KCNQ5: variants seen among roughly 807,000 people sequenced by gnomAD.
The protein encoded by KCNQ5 is potassium voltage-gated channel subfamily Q member 5, also known as potassium voltage-gated channel subfamily KQT member 5.
A neutral mutation model predicts 98.2 loss-of-function variants in KCNQ5; 30 were observed. The observed-to-expected ratio is 0.31, with a 90% CI of 0.23 to 0.41. KCNQ5 has a LOEUF of 0.41. KCNQ5 is among the 10% of genes least tolerant of loss of function. The pLI, the probability that KCNQ5 is intolerant of heterozygous loss-of-function variation, is 1.00. For missense variants in KCNQ5, 835 were observed against 1,182.5 expected, an observed-to-expected ratio of 0.71 and a Z score of 4.31; for synonymous variants, 458 against 449.4, an observed-to-expected ratio of 1.02 and a Z score of -0.24.
Position 73,088,422 on chromosome 6 carries a change from G to A in KCNQ5, c.918+10535G>A, listed in dbSNP as rs184280360. Among the ~76,000 whole-genome samples the A allele has an allele frequency of 7.3e-4, 111 of 152,146 alleles. 1 individual carries two copies. The highest frequency in any genetic ancestry group is 6.2e-3 in the Admixed American group (95 of 15,272). On this transcript the variant is annotated intron_variant, in intron 5 of 13. Coordinates refer to ENST00000370398, the MANE Select transcript of KCNQ5 (RefSeq NM_019842.4). ...GTTTCCATTTATATAACCCTTTCCC[G>A]ATTGTTCTACTTTTGAAAAACTTGA...
At chr6:72,746,259 C>G (rs1771402127) in intron 1 of KCNQ5, among the ~76,000 whole-genome samples, 1 of 151,968 alleles carries the variant, frequency 6.6e-6, no homozygotes, top group South Asian at 2.1e-4. Flanking sequence ...AAATTTATGC[C>G]AGTTACTAAT....
At chr6:72,987,092 A>G in intron 1 of KCNQ5, 1 of 669,924 alleles carries the variant, frequency 1.5e-6, no homozygotes, top group Non-Finnish European at 2.7e-6. Flanking sequence ...AAACGAAGCC[A>G]AAGTTGAGGC....
At chr6:73,063,635 A>T (rs908311126) in intron 3 of KCNQ5, among the ~76,000 whole-genome samples, 5 of 150,398 alleles carry the variant, frequency 3.3e-5, no homozygotes, top group Non-Finnish European at 7.4e-5. Context: ...TAATAATCCC[A>T]CTGAAATACA....
intron 1 of KCNQ5, among the ~76,000 whole-genome samples, chr6:72,680,236 C>T (rs1767637867): frequency 6.6e-6 from 1 of 152,160 alleles, no homozygotes. Flanking sequence ...CATTTTTTAT[C>T]TCTATGTATT....
At chr6:72,920,644 T>C (rs1780351470) in intron 1 of KCNQ5, among the ~76,000 whole-genome samples, 1 of 152,228 alleles carries the variant, frequency 6.6e-6, no homozygotes, top group African/African-American at 2.4e-5. Context: ...CAATCTCTTT[T>C]TCTATGTTCT....
At chr6:73,176,525 T>C (rs1778221918) in intron 11 of KCNQ5, among the ~76,000 whole-genome samples, 1 of 152,230 alleles carries the variant, frequency 6.6e-6, no homozygotes, top group Non-Finnish European at 1.5e-5. Context: ...ACTAACGCAG[T>C]GCTTCATTTG....
intron 1 of KCNQ5, among the ~76,000 whole-genome samples, chr6:72,836,615 T>A (rs889561237): frequency 6.6e-6 from 1 of 152,112 alleles, no homozygotes; most frequent in South Asian, 2.1e-4. Flanking sequence ...ATTTTTTTTT[T>A]TCTGTAGAGA....
At chr6:72,857,006 C>G (rs1440331696) in intron 1 of KCNQ5, among the ~76,000 whole-genome samples, 1 of 152,326 alleles carries the variant, frequency 6.6e-6, no homozygotes, top group Non-Finnish European at 1.5e-5. Flanking sequence ...GGAAGATACT[C>G]TGTCACAAAG....
intron 1 of KCNQ5, among the ~76,000 whole-genome samples, chr6:72,644,970 C>T (rs1765512646): frequency 6.6e-6 from 1 of 152,084 alleles, no homozygotes. Context: ...CTAAGTATGA[C>T]ACTTAGAACA....
At chr6:73,167,958 C>T (rs1157011535) in intron 10 of KCNQ5, among the ~76,000 whole-genome samples, 1 of 152,136 alleles carries the variant, frequency 6.6e-6, no homozygotes, top group East Asian at 1.9e-4. Context: ...TAAGTTTCAA[C>T]ATATGAATAC....
chr6:72,999,276 A>G (rs542175472), intron 1 of KCNQ5, among the ~76,000 whole-genome samples: 3 of 152,350 alleles, frequency 2.0e-5, no homozygotes, highest in African/African-American at 4.8e-5. Context: ...TTGAGTAAAC[A>G]TAGAGTCCTT....
chr6:72,790,279 G>A (rs944577931), intron 1 of KCNQ5, among the ~76,000 whole-genome samples: 1 of 152,078 alleles, frequency 6.6e-6, no homozygotes, highest in African/African-American at 2.4e-5. Context: ...GGCCACTAAA[G>A]CCCAGAGAAG....
At chr6:72,785,369 T>A (rs1773683610) in intron 1 of KCNQ5, among the ~76,000 whole-genome samples, 1 of 151,590 alleles carries the variant, frequency 6.6e-6, no homozygotes, top group African/African-American at 2.4e-5. Context: ...GGAGCAGGGG[T>A]CAGGCACAGT....
chr6:73,011,908 A>T (rs117672321), intron 2 of KCNQ5, among the ~76,000 whole-genome samples: 2,996 of 152,158 alleles, frequency 0.02, 46 homozygotes, highest in Non-Finnish European at 0.034. Flanking sequence ...GCAAATCAAA[A>T]CTACACTGAG....
At chr6:73,106,711 G>C (rs1775015705) in intron 6 of KCNQ5, among the ~76,000 whole-genome samples, 2 of 152,210 alleles carry the variant, frequency 1.3e-5, no homozygotes, top group African/African-American at 4.8e-5. Flanking sequence ...GTCACATTCT[G>C]AGGTCATGGG....
chr6:72,775,154 G>A (rs1434054782), intron 1 of KCNQ5, among the ~76,000 whole-genome samples: 1 of 152,122 alleles, frequency 6.6e-6, no homozygotes, highest in Non-Finnish European at 1.5e-5. Flanking sequence ...TATACATATG[G>A]AAAGACACTG....
chr6:72,883,067 C>G (rs952375712), intron 1 of KCNQ5, among the ~76,000 whole-genome samples: 7 of 152,178 alleles, frequency 4.6e-5, no homozygotes, highest in Non-Finnish European at 4.4e-5. Flanking sequence ...GCCCACTCTT[C>G]TGTGAGATTT....
intron 1 of KCNQ5, among the ~76,000 whole-genome samples, chr6:72,695,496 T>C (rs1290756031): frequency 6.6e-6 from 1 of 152,088 alleles, no homozygotes; most frequent in Non-Finnish European, 1.5e-5. Context: ...AAACCCCACC[T>C]CTCCATCCCA....
At chr6:72,689,908 T>G (rs1768129892) in intron 1 of KCNQ5, among the ~76,000 whole-genome samples, 1 of 152,196 alleles carries the variant, frequency 6.6e-6, no homozygotes, top group South Asian at 2.1e-4. Flanking sequence ...TTTAGTTATT[T>G]AAGAGTTACT....
Sources: allele counts gnomAD v4.1 joint callset (sites outside exome capture counted in the v4.1 genomes callset), GRCh38; gene constraint gnomAD v4.1.1; transcripts MANE v1.5; gene names NCBI Gene and HGNC (gene_info 2026-07-23, HGNC 2026-07-21).